USP34: variants seen among roughly 807,000 people sequenced by gnomAD.
The protein encoded by USP34 is ubiquitin carboxyl-terminal hydrolase 34.
A neutral mutation model predicts 460.3 loss-of-function variants in USP34; 70 were observed. The observed-to-expected ratio is 0.15, with a 90% CI of 0.13 to 0.19. USP34 has a LOEUF of 0.19. Among genes scored for constraint, USP34 ranks in the 10% least tolerant of loss-of-function variants. The pLI is 1.00. For missense variants in USP34, 3,985 were observed against 4,236.2 expected, an observed-to-expected ratio of 0.94 and a Z score of 1.65; for synonymous variants, 1,647 against 1,405.3, an observed-to-expected ratio of 1.17 and a Z score of -3.85.
At chr2:61,308,172 A>C (rs1340877696) in intron 27 of USP34, among the ~76,000 whole-genome samples, 1 of 152,208 alleles carries the variant, frequency 6.6e-6, no homozygotes, top group African/African-American at 2.4e-5. Context: ...TAAAAGAGAA[A>C]ATGAAGAGAT....
intron 51 of USP34, among the ~76,000 whole-genome samples, chr2:61,244,778 T>TA (rs567179421): frequency 6.6e-5 from 10 of 152,234 alleles, no homozygotes; most frequent in African/African-American, 2.2e-4. Context: ...TTGCCAAACA[T>TA]TTTTTTAATT....
chr2:61,218,375 C>T (rs1423806969), intron 67 of USP34, among the ~76,000 whole-genome samples: 2 of 150,480 alleles, frequency 1.3e-5, no homozygotes, highest in African/African-American at 2.4e-5. Flanking sequence ...CATGTGTTCA[C>T]GCCACTGAAA....
chr2:61,400,890 G>C (rs1238821065), intron 3 of USP34, among the ~76,000 whole-genome samples: 1 of 151,954 alleles, frequency 6.6e-6, no homozygotes, highest in Non-Finnish European at 1.5e-5. Context: ...GGTAGCTTAC[G>C]CCTGTAATCC....
intron 48 of USP34, chr2:61,249,970 A>G (rs1335989668): frequency 1.8e-5 from 3 of 165,864 alleles, no homozygotes; most frequent in African/African-American, 4.8e-5. Context: ...CTCTCAGGCT[A>G]GGCGCGGTGG....
intron 32 of USP34, among the ~76,000 whole-genome samples, chr2:61,294,124 T>A (rs997349492): frequency 3.9e-5 from 6 of 152,004 alleles, no homozygotes; most frequent in African/African-American, 1.4e-4. Context: ...GGCGGGTGGA[T>A]CACGAGGTCA....
At chr2:61,255,590 T>G (rs1688703221) in intron 48 of USP34, among the ~76,000 whole-genome samples, 2 of 152,256 alleles carry the variant, frequency 1.3e-5, no homozygotes, top group South Asian at 2.1e-4. Context: ...ATTAAAGTTC[T>G]CACAACAGTG....
intron 27 of USP34, among the ~76,000 whole-genome samples, chr2:61,309,903 A>G (rs1279727919): frequency 6.6e-6 from 1 of 152,168 alleles, no homozygotes; most frequent in African/African-American, 2.4e-5. Flanking sequence ...AAGGTTTATA[A>G]CTTGTCATCT....
At chr2:61,203,338 G>A in intron 74 of USP34, 75 bp from the exon 75 acceptor site, 1 of 1,311,064 alleles carries the variant, frequency 7.6e-7, no homozygotes, top group Non-Finnish European at 9.8e-7. Context: ...AATGTAATAA[G>A]TTTAACTAAA....
At chr2:61,249,932 C>G (rs1688529874) in intron 48 of USP34, 1 of 166,870 alleles carries the variant, frequency 6.0e-6, no homozygotes, top group Non-Finnish European at 1.3e-5. Context: ...GCTGAAACAG[C>G]CAGCCATAGC....
intron 44 of USP34, 105 bp from the exon 45 acceptor site, chr2:61,257,455 C>G (rs1486344429): frequency 1.1e-6 from 1 of 889,994 alleles, no homozygotes; most frequent in East Asian, 3.0e-5. Flanking sequence ...AGTAAATCTA[C>G]TAAGTTAGTT....
intron 53 of USP34, among the ~76,000 whole-genome samples, chr2:61,240,314 G>C (rs1228749370): frequency 2.0e-5 from 3 of 151,932 alleles, no homozygotes; most frequent in Non-Finnish European, 4.4e-5. Flanking sequence ...TTTTGAGACA[G>C]TATCTCACTC....
rs758651806 is a variant in USP34 at position 61,343,798 on chromosome 2, TTACTG to T, written c.2500+12_2500+16del. ...TTGTGAAGAAGGTAATATATTTTAC[TTACTG>T]TAGAGTCTTACCTTGACTAAGATGT... On this transcript the variant is annotated intron_variant, in intron 16 of 79. Coordinates refer to ENST00000398571, the MANE Select transcript of USP34 (RefSeq NM_014709.4). 1.9e-6 allele frequency: 3 copies of T among 1,608,236 alleles called. No individual in the cohort carries two copies. The African/African-American group carries it at 4.0e-5, about 21-fold the overall frequency.
At chr2:61,302,025 C>T (rs962855993) in intron 27 of USP34, among the ~76,000 whole-genome samples, 2 of 152,120 alleles carry the variant, frequency 1.3e-5, no homozygotes, top group Admixed American at 6.5e-5. Flanking sequence ...GGAAGACTGA[C>T]AAATTCCCAG....
At chr2:61,234,083 G>A (rs1472933263) in intron 57 of USP34, among the ~76,000 whole-genome samples, 1 of 152,098 alleles carries the variant, frequency 6.6e-6, no homozygotes, top group African/African-American at 2.4e-5. Context: ...TTGAGGAACA[G>A]GTATGTGACA....
intron 78 of USP34, chr2:61,189,577 A>G (rs1249597161): frequency 6.5e-6 from 1 of 152,694 alleles, no homozygotes; most frequent in East Asian, 1.9e-4. Flanking sequence ...GCCCAGCCTC[A>G]TTAGTTCTTA....
chr2:61,294,446 CTTTT>C (rs1233323362), intron 32 of USP34, among the ~76,000 whole-genome samples: 2 of 151,340 alleles, frequency 1.3e-5, no homozygotes, highest in Admixed American at 6.6e-5. Context: ...CTCACAGTAT[CTTTT>C]TTTTGCTGCC....
chr2:61,429,197 CA>C (rs746154936), intron 1 of USP34, among the ~76,000 whole-genome samples: 7 of 152,052 alleles, frequency 4.6e-5, no homozygotes, highest in Non-Finnish European at 8.8e-5. Context: ...CCTGTAATCC[CA>C]GCACTTTGGG....
intron 18 of USP34, among the ~76,000 whole-genome samples, chr2:61,339,015 T>C (rs746771222): frequency 6.6e-6 from 1 of 152,204 alleles, no homozygotes; most frequent in South Asian, 2.1e-4. Flanking sequence ...GCATCCTTTA[T>C]GAGACAGTTC....
intron 10 of USP34, among the ~76,000 whole-genome samples, chr2:61,369,766 A>C (rs1047276475): frequency 3.3e-5 from 5 of 151,538 alleles, no homozygotes; most frequent in African/African-American, 1.2e-4. Context: ...TAAGAAAGAA[A>C]AAAAAAAAAG....
Sources: allele counts gnomAD v4.1 joint callset (sites outside exome capture counted in the v4.1 genomes callset), GRCh38; gene constraint gnomAD v4.1.1; transcripts MANE v1.5; gene names NCBI Gene and HGNC (gene_info 2026-07-23, HGNC 2026-07-21).